ALDH7A1: variants seen among roughly 807,000 people sequenced by gnomAD.
The protein encoded by ALDH7A1 is aldehyde dehydrogenase 7 family member A1, also known as alpha-aminoadipic semialdehyde dehydrogenase.
ALDH7A1 carries 63 observed loss-of-function variants against 79.9 expected under a neutral mutation model. The observed-to-expected ratio is 0.79, with a 90% CI of 0.64 to 0.97. ALDH7A1 has a LOEUF of 0.97. ALDH7A1 is among the 50% of genes least tolerant of loss of function. ALDH7A1 has a pLI of 0.00. For missense variants in ALDH7A1, 627 were observed against 665.2 expected, an observed-to-expected ratio of 0.94 and a Z score of 0.63; for synonymous variants, 240 against 231.2, an observed-to-expected ratio of 1.04 and a Z score of -0.34.
intron 7 of ALDH7A1, among the ~76,000 whole-genome samples, chr5:126,572,817 T>A (rs1203320361): frequency 6.6e-6 from 1 of 152,168 alleles, no homozygotes; most frequent in East Asian, 1.9e-4. Flanking sequence ...ACAAGAACAC[T>A]GATTAAAGAG....
intron 7 of ALDH7A1, among the ~76,000 whole-genome samples, chr5:126,573,501 C>T (rs1240007852): frequency 6.6e-6 from 1 of 151,772 alleles, no homozygotes; most frequent in African/African-American, 2.4e-5. Context: ...AGATCGAGAC[C>T]ATCCTGGCCA....
intron 11 of ALDH7A1, among the ~76,000 whole-genome samples, chr5:126,559,038 T>C (rs974771645): frequency 2.6e-5 from 4 of 152,210 alleles, no homozygotes; most frequent in Admixed American, 6.5e-5. Flanking sequence ...CCCTATTATC[T>C]TGGGGTGGGA....
At chr5:126,571,156 T>A in intron 7 of ALDH7A1, 3 of 210,790 alleles carry the variant, frequency 1.4e-5, no homozygotes, top group Admixed American at 6.7e-5. Context: ...GCAGATTTTT[T>A]TTTTTTTTTT....
intron 16 of ALDH7A1, among the ~76,000 whole-genome samples, chr5:126,547,409 G>C (rs573522564): frequency 4.2e-4 from 64 of 152,276 alleles, no homozygotes; most frequent in African/African-American, 1.4e-3. Flanking sequence ...GCACATGCTG[G>C]GGGAATGAAC....
chr5:126,581,137 T>G (rs1751159818), intron 5 of ALDH7A1: 1 of 152,064 alleles, frequency 6.6e-6, no homozygotes, highest in South Asian at 2.1e-4. Context: ...TTTTTTTTCT[T>G]ACTCTTGCTG....
chr5:126,567,598 C>G (rs910071046), intron 9 of ALDH7A1, among the ~76,000 whole-genome samples: 7 of 151,242 alleles, frequency 4.6e-5, no homozygotes, highest in African/African-American at 1.7e-4. Context: ...CTCAGCCTCC[C>G]CAGTAGCTGG....
At position 126,568,458 on chromosome 5, in the gene ALDH7A1, T is replaced by C. The variant is rs868192539; in HGVS notation, c.774-102A>G. ...GAAGTGCCCTTGAAAAAGCAGTCCC[T>C]TGAAGCTACAAGAAAGTCTGTCCCA... On this transcript the variant is annotated intron_variant, in intron 8 of 17. Coordinates refer to ENST00000409134, the MANE Select transcript of ALDH7A1 (RefSeq NM_001182.5). 3.1e-5 allele frequency: 31 copies of C among 987,636 alleles called. No individual in the cohort carries two copies. In the Middle Eastern group the frequency reaches 2.5e-3, roughly 78 times the overall value. The allele number at this position is 987,636 out of a possible 1,614,324, so 61.2% of individuals were successfully genotyped here. A position where few individuals can be genotyped will look rare whatever the true frequency, so the allele number is the denominator to read the frequency against.
rs1057522259 is a variant in ALDH7A1 at position 126,546,406 on chromosome 5, A to G, written c.1490-7T>C. The G allele has an allele frequency of 6.2e-7, 1 of 1,613,606 alleles. No homozygotes were observed. Among genetic ancestry groups the G allele is most frequent in the East Asian group, 2.2e-5 (1 of 44,884 alleles). ...CCAGTGTGCTTTTCTCCTCCTAGAG[A>G]AATAAAAAATAATATCATATCTTCT... is the stretch of plus-strand genomic sequence containing the variant. On this transcript the variant is annotated splice_region_variant and splice_polypyrimidine_tract_variant and intron_variant, in intron 16 of 17. Transcript: ENST00000409134.
chr5:126,555,905 C>CT, intron 12 of ALDH7A1, 26 bp downstream of exon 12: 1 of 1,569,870 alleles, frequency 6.4e-7, no homozygotes, highest in Non-Finnish European at 8.8e-7. Flanking sequence ...AAAGGGATCG[C>CT]TTTGAAAGCA....
chr5:126,585,689 G>A (rs7730933), intron 3 of ALDH7A1, among the ~76,000 whole-genome samples: 20,271 of 152,058 alleles, frequency 0.13, 1,658 homozygotes, highest in African/African-American at 0.23. Flanking sequence ...AGCCTCCCAA[G>A]TAGCTGGCAT....
chr5:126,544,325 A>C lies in ALDH7A1; in HGVS notation c.*640T>G, dbSNP rs1293019708. Reference sequence around the variant, plus strand: ...GCCTCAGAGTCCTCCAGCAGGTGGCAGACTCCAGCACAGGAACAAAATCTG... The same window carrying C: ...GCCTCAGAGTCCTCCAGCAGGTGGCCGACTCCAGCACAGGAACAAAATCTG... On this transcript the variant is annotated 3_prime_UTR_variant, in exon 18 of 18. Coordinates refer to ENST00000409134, the MANE Select transcript of ALDH7A1 (RefSeq NM_001182.5). 2 of 155,024 alleles carry C rather than the reference A, an allele frequency of 1.3e-5. No individual in the cohort carries two copies. Among genetic ancestry groups the C allele is most frequent in the Non-Finnish European group, 2.9e-5 (2 of 69,954 alleles). 9.6% of individuals were successfully genotyped at this position (155,024 alleles called of 1,614,324 possible). A position where few individuals can be genotyped will look rare whatever the true frequency, so the allele number is the denominator to read the frequency against.
intron 9 of ALDH7A1, chr5:126,564,555 A>G (rs1750506011): frequency 4.8e-6 from 6 of 1,248,310 alleles, no homozygotes; most frequent in African/African-American, 1.6e-5. Flanking sequence ...TCAGGAGCAT[A>G]TGTGACAACA....
At chr5:126,572,610 A>G (rs1052677047) in intron 7 of ALDH7A1, among the ~76,000 whole-genome samples, 9 of 152,208 alleles carry the variant, frequency 5.9e-5, no homozygotes, top group Admixed American at 3.3e-4. Flanking sequence ...CTGAGTATCT[A>G]TGAGCTATTA....
chr5:126,582,996 C>G, intron 4 of ALDH7A1, 22 bp from the exon 5 acceptor site: 1 of 1,613,770 alleles, frequency 6.2e-7, no homozygotes, highest in Non-Finnish European at 8.5e-7. Context: ...AAACGACAAG[C>G]AGAATTTTTC....
intron 9 of ALDH7A1, 80 bp downstream of exon 9, chr5:126,568,179 G>T: frequency 7.2e-7 from 1 of 1,390,272 alleles, no homozygotes; most frequent in Non-Finnish European, 1.0e-6. Flanking sequence ...AAAGGTTGAG[G>T]GGAAAACAAA....
chr5:126,543,449 T>G lies in ALDH7A1; in HGVS notation c.*1516A>C, dbSNP rs1017800227. On this transcript the variant is annotated 3_prime_UTR_variant, in exon 18 of 18. Transcript: ENST00000409134. ...CTATATCAGTATTTGGCTTGATTCATGTTCAATATTGACAACAGCATGTCT... is the reference window on the plus strand; with the variant it reads ...CTATATCAGTATTTGGCTTGATTCAGGTTCAATATTGACAACAGCATGTCT... 1 of 152,222 alleles carries G rather than the reference T, an allele frequency of 6.6e-6. No individual in the cohort carries two copies. Among genetic ancestry groups the G allele is most frequent in the African/African-American group, 2.4e-5 (1 of 41,466 alleles). The allele number at this position is 152,222 out of a possible 1,614,324, so 9.4% of individuals were successfully genotyped here.
chr5:126,572,308 C>T (rs1007651759), intron 7 of ALDH7A1, among the ~76,000 whole-genome samples: 13 of 152,316 alleles, frequency 8.5e-5, no homozygotes, highest in African/African-American at 3.1e-4. Flanking sequence ...ATCATGAACT[C>T]CAGCTCTCAT....
chr5:126,594,355 T>C (rs1751664756), intron 1 of ALDH7A1: 2 of 448,410 alleles, frequency 4.5e-6, no homozygotes, highest in Non-Finnish European at 9.4e-6. Context: ...GAGCCAGAGT[T>C]AAGCTCTAAA....
chr5:126,591,497 C>G (rs1751553005), intron 3 of ALDH7A1, among the ~76,000 whole-genome samples: 1 of 138,926 alleles, frequency 7.2e-6, no homozygotes, highest in Non-Finnish European at 1.6e-5. Flanking sequence ...AGAGAAAATA[C>G]TGCAGCTCAG....
Sources: gnomAD v4.1 joint callset for allele counts (sites outside exome capture counted in the v4.1 genomes callset) on GRCh38, gnomAD v4.1.1 for gene constraint, MANE v1.5 for transcripts, NCBI Gene and HGNC (gene_info 2026-07-23, HGNC 2026-07-21) for gene names.